Variants in KLHL30 observed in about 807,000 individuals in gnomAD.
KLHL30 encodes kelch like family member 30, also known as kelch-like protein 30.
In KLHL30, 55 loss-of-function variants were observed where a neutral mutation model predicts 55.0. That is an observed-to-expected ratio of 1.00 (90% CI 0.80 to 1.25). The LOEUF (loss-of-function observed/expected upper bound fraction) is 1.25, where lower values mean the gene tolerates loss of function less well. KLHL30 is among the 50% of genes most tolerant of loss of function. The probability of loss-of-function intolerance (pLI) is 0.00; values close to 1 mark genes in which losing one functional copy is unlikely to be tolerated. For synonymous variants in KLHL30, 356 were observed against 372.6 expected, an observed-to-expected ratio of 0.96 and a Z score of 0.51; for missense variants, 786 against 811.6, an observed-to-expected ratio of 0.97 and a Z score of 0.38.
rs77330856 is a variant in KLHL30, at chr2:238,142,517, G to A, written c.775-282G>A. On this transcript the variant is annotated intron_variant, in intron 2 of 7. Transcript: ENST00000409223. ...CACTGAGCCGGGACACCCTCGTGCC[G>A]CCTGCTGGAGGCCACCCAGGGAGCA... is the stretch of plus-strand genomic sequence containing the variant. Among the ~76,000 whole-genome samples, 907 of 152,286 alleles carry A rather than the reference G, an allele frequency of 6.0e-3. 9 individuals are homozygous for A. The highest frequency in any genetic ancestry group is 0.02 in the African/African-American group (847 of 41,560).
At chr2:238,149,496 G>A (rs372477732) in intron 7 of KLHL30, among the ~76,000 whole-genome samples, 2 of 152,324 alleles carry the variant, frequency 1.3e-5, no homozygotes, top group Non-Finnish European at 2.9e-5. Context: ...GCCCTGGCCC[G>A]AGTCCCCTTG....
intron 2 of KLHL30, 40 bp downstream of exon 2, chr2:238,141,568 G>A: frequency 2.1e-6 from 3 of 1,431,538 alleles, no homozygotes; most frequent in Admixed American, 5.8e-5. Flanking sequence ...TGGGAAGCAG[G>A]GAGGAGAGCC....
rs1255698746 is a variant in KLHL30 at position 238,147,427 on chromosome 2, G to C, written c.1151-407G>C. Among the ~76,000 whole-genome samples the C allele has an allele frequency of 6.6e-6, 1 of 152,152 alleles. No homozygotes were observed. Among genetic ancestry groups the C allele is most frequent in the Non-Finnish European group, 1.5e-5 (1 of 68,008 alleles). On this transcript the variant is annotated intron_variant, in intron 5 of 7. Coordinates refer to ENST00000409223, the MANE Select transcript of KLHL30 (RefSeq NM_198582.4). This position sits in a 1 kb window ranked among gnomAD's most constrained non-coding sequence, Gnocchi z 5.8. ...CACACCCAGATTGTATCTGGGACTG[G>C]GAGGGAGCTGCCTACAGCTCCAGGG...
intron 7 of KLHL30, among the ~76,000 whole-genome samples, chr2:238,149,743 G>A: frequency 6.6e-6 from 1 of 152,142 alleles, no homozygotes; most frequent in East Asian, 1.9e-4. Context: ...CCACCAGCCT[G>A]GGGGCTTTCC....
At chr2:238,141,553 A>T in intron 2 of KLHL30, 25 bp downstream of exon 2, 2 of 1,432,904 alleles carry the variant, frequency 1.4e-6, no homozygotes, top group Non-Finnish European at 1.8e-6. Flanking sequence ...GGGAGGCCCC[A>T]TCCCTGGGAA....
rs1031721387 is a variant in KLHL30, at chr2:238,147,466, C to T, written c.1151-368C>T. Among the ~76,000 whole-genome samples the T allele has an allele frequency of 1.3e-5, 2 of 152,132 alleles. No homozygotes were observed. The highest frequency in any genetic ancestry group is 2.4e-5 in the African/African-American group (1 of 41,424). Reference sequence around the variant, plus strand: ...ACAGCTCCAGGGTCTCGCAACCCGCCCTCCCAGGGCTGGCATCCTCCATTC... The same window carrying T: ...ACAGCTCCAGGGTCTCGCAACCCGCTCTCCCAGGGCTGGCATCCTCCATTC... On this transcript the variant is annotated intron_variant, in intron 5 of 7. Coordinates refer to ENST00000409223, the MANE Select transcript of KLHL30 (RefSeq NM_198582.4). The surrounding 1 kb of genome is among the most constrained non-coding windows in gnomAD (Gnocchi z 5.8).
Position 238,147,971 on chromosome 2 carries a change from A to G in KLHL30, c.1288A>G (p.Ser430Gly). 1 of 1,560,254 alleles carries G rather than the reference A, an allele frequency of 6.4e-7. No homozygotes were observed. Among genetic ancestry groups the G allele is most frequent in the Non-Finnish European group, 8.7e-7 (1 of 1,153,882 alleles). The change falls in exon 6 of 8, where the codon AGC becomes GGC. Residue 430 changes from serine to glycine, a missense_variant. Ser to Gly is a moderately conservative substitution (Grantham distance 56, BLOSUM62 0). Transcript: ENST00000409223. This position sits in a 1 kb window ranked among gnomAD's most constrained non-coding sequence, Gnocchi z 5.8. The part of the protein sequence containing the change: ...CRGRLYLVGS[S>G]ACKYNALALQ... ...GGGCCGGCTCTACCTGGTGGGCTCCAGCGCCTGCAAGTACAACGCCCTGGC... is the reference window on the plus strand; with the variant it reads ...GGGCCGGCTCTACCTGGTGGGCTCCGGCGCCTGCAAGTACAACGCCCTGGC...
chr2:238,149,120 G>A lies in KLHL30; in HGVS notation c.1453G>A (p.Val485Met), dbSNP rs1207197306. The change falls in exon 7 of 8, where the codon GTG becomes ATG. Residue 485 changes from valine (V) to methionine (M), a missense_variant. By Grantham distance (21) the Val-to-Met change is conservative. Coordinates refer to ENST00000409223, the MANE Select transcript of KLHL30 (RefSeq NM_198582.4). ...TGGGGACAACACCAAGAAGGTCTAC[G>A]TGTACGACCCCGGGGCCAACCTGTG... ...LIGDNTKKVY[V>M]YDPGANLWQK... 4 of 1,612,912 alleles carry A rather than the reference G, an allele frequency of 2.5e-6. No individual in the cohort carries two copies. The highest frequency in any genetic ancestry group is 1.3e-5 in the African/African-American group (1 of 74,932).
chr2:238,140,277 C>G (rs116109466), intron 1 of KLHL30, among the ~76,000 whole-genome samples: 2,132 of 152,328 alleles, frequency 0.014, 51 homozygotes, highest in African/African-American at 0.049. Flanking sequence ...CTGCAGCCCC[C>G]AAATGGCCTC....
Position 238,145,372 on chromosome 2 carries a change from G to A in KLHL30, c.995-305G>A, listed in dbSNP as rs114168343. Among the ~76,000 whole-genome samples, 1,490 of 152,234 alleles carry A rather than the reference G, an allele frequency of 9.8e-3. 23 individuals carry two copies. The highest frequency in any genetic ancestry group is 0.033 in the African/African-American group (1,389 of 41,536). ...TCTGTCTTGGTCCCCAGAAAGAGTC[G>A]TGTGTTGCAGGGGTCACTTTGCTCT... On this transcript the variant is annotated intron_variant, in intron 4 of 7. Coordinates refer to ENST00000409223, the MANE Select transcript of KLHL30 (RefSeq NM_198582.4).
rs756041466 is a variant in KLHL30 at position 238,150,962 on chromosome 2, G to T, written c.1634G>T (p.Arg545Leu). ...AYDTVRDTWT[R>L]HGALPRLWLY... ...GACACGGTTCGGGACACCTGGACCC[G>T]CCACGGCGCCCTGCCCCGGCTCTGG... Residue 545 changes from arginine to leucine, a missense_variant, in exon 8 of 8, where the codon CGC (arginine) becomes CTC (leucine). By Grantham distance (102) the Arg-to-Leu change is moderately radical. Transcript: ENST00000409223. 3 of 1,588,352 alleles carry T rather than the reference G, an allele frequency of 1.9e-6. No homozygotes were observed. The highest frequency in any genetic ancestry group is 1.3e-5 in the African/African-American group (1 of 74,450).
rs764014435 is a variant in KLHL30 at position 238,150,873 on chromosome 2, G to A, written c.1545G>A (p.Leu515=). 8 of 1,596,322 alleles carry A rather than the reference G, an allele frequency of 5.0e-6. No individual in the cohort carries two copies. The South Asian group carries it at 9.1e-5, about 18-fold the overall frequency. The change falls in exon 8 of 8, where the codon CTG becomes CTA. Residue 515 remains leucine, a synonymous_variant. Coordinates refer to ENST00000409223, the MANE Select transcript of KLHL30 (RefSeq NM_198582.4). ...NGALVPLGDA[L]YVTGGRWQGM... is the part of the protein sequence containing the mutation. The stretch of plus-strand genomic sequence containing the variant: ...CGCTGGTGCCACTGGGTGATGCGCT[G>A]TACGTGACGGGCGGCCGCTGGCAGG...
At chr2:238,149,701 A>AG in intron 7 of KLHL30, among the ~76,000 whole-genome samples, 2 of 152,176 alleles carry the variant, frequency 1.3e-5, no homozygotes, top group Admixed American at 1.3e-4. Flanking sequence ...CAAGTTGGGG[A>AG]GGGGGTTCCT....
In KLHL30 at chr2:238,150,313, G is replaced by A. The variant is rs979038643; in HGVS notation, c.1486-501G>A. On this transcript the variant is annotated intron_variant, in intron 7 of 7. Coordinates refer to ENST00000409223, the MANE Select transcript of KLHL30 (RefSeq NM_198582.4). ...ACCCGCCCGGGCTCTTCCTGAAGCCGCAGCTCTCTCCAGCCTCTGGAAAGC... is the reference window on the plus strand; with the variant it reads ...ACCCGCCCGGGCTCTTCCTGAAGCCACAGCTCTCTCCAGCCTCTGGAAAGC... Among the ~76,000 whole-genome samples the A allele has an allele frequency of 5.3e-5, 8 of 152,092 alleles. No homozygotes were observed. In the East Asian group the frequency reaches 5.8e-4, roughly 11 times the overall value.
At chr2:238,146,400 G>T (rs975030314) in intron 5 of KLHL30, among the ~76,000 whole-genome samples, 3 of 150,458 alleles carry the variant, frequency 2.0e-5, no homozygotes, top group African/African-American at 4.9e-5. Flanking sequence ...ATTTATTTAT[G>T]TATTTTTTAT....
intron 3 of KLHL30, among the ~76,000 whole-genome samples, chr2:238,144,432 A>AAGGAAGGAAGGCAGGC (rs1692608040): frequency 7.3e-5 from 6 of 82,448 alleles, no homozygotes; most frequent in East Asian, 3.6e-4. Context: ...GGAAGGAAGG[A>AAGGAAGGAAGGCAGGC]AGGCAGGCAG....
At position 238,141,367 on chromosome 2, in the gene KLHL30, C is replaced by T. The variant is rs763713263; in HGVS notation, c.613C>T (p.Arg205Cys). ...SRLEALMRWV[R>C]HDPQARAAHL... The stretch of plus-strand genomic sequence containing the variant: ...ACTCGAGGCCCTGATGCGCTGGGTG[C>T]GCCATGACCCGCAGGCCCGGGCCGC... Residue 205 changes from arginine to cysteine, a missense_variant, in exon 2 of 8, where the codon CGC becomes TGC. Coordinates refer to ENST00000409223, the MANE Select transcript of KLHL30 (RefSeq NM_198582.4). 4.5e-5 allele frequency: 72 copies of T among 1,596,668 alleles called. No individual in the cohort carries two copies. The highest frequency in any genetic ancestry group is 1.2e-4 in the Admixed American group (7 of 59,328).
At position 238,141,446 on chromosome 2, in the gene KLHL30, G is replaced by A. The variant is rs1177976036; in HGVS notation, c.692G>A (p.Cys231Tyr). Residue 231 changes from cysteine (C) to tyrosine (Y), a missense_variant, in exon 2 of 8, where the codon TGC becomes TAC. Cys to Tyr is a radical substitution (Grantham distance 194). Transcript: ENST00000409223. ...LVHLDAVPRP[C>Y]VQQLLASEPL... ...CACCTGGACGCCGTGCCCAGGCCCTGCGTGCAGCAACTGCTGGCCTCAGAG... is the reference window on the plus strand; with the variant it reads ...CACCTGGACGCCGTGCCCAGGCCCTACGTGCAGCAACTGCTGGCCTCAGAG... The A allele has an allele frequency of 1.9e-5, 29 of 1,541,888 alleles. No individual in the cohort carries two copies. The highest frequency in any genetic ancestry group is 2.5e-5 in the Non-Finnish European group (29 of 1,149,818).
chr2:238,147,748 T>C lies in KLHL30; in HGVS notation c.1151-86T>C. 1 of 840,380 alleles carries C rather than the reference T, an allele frequency of 1.2e-6. No individual in the cohort carries two copies. The highest frequency in any genetic ancestry group is 1.7e-6 in the Non-Finnish European group (1 of 596,362). 52.1% of individuals were successfully genotyped at this position (840,380 alleles called of 1,614,324 possible). A position where few individuals can be genotyped will look rare whatever the true frequency, so the allele number is the denominator to read the frequency against. ...GAGCCCACCCCACCTCCCACCACTT[T>C]GCTGCCTTACAAAGCCCCAGCCCCT... On this transcript the variant is annotated intron_variant, in intron 5 of 7. Coordinates refer to ENST00000409223, the MANE Select transcript of KLHL30 (RefSeq NM_198582.4). This position sits in a 1 kb window ranked among gnomAD's most constrained non-coding sequence, Gnocchi z 5.8.
Sources: allele counts gnomAD v4.1 joint callset (sites outside exome capture counted in the v4.1 genomes callset), GRCh38; gene constraint gnomAD v4.1.1; non-coding constraint Gnocchi (gnomAD v3.1); transcripts MANE v1.5; gene names NCBI Gene and HGNC (gene_info 2026-07-23, HGNC 2026-07-21).